Variants in TAF1 observed in about 807,000 individuals in gnomAD.
The protein encoded by TAF1 is transcription initiation factor TFIID subunit 1.
A neutral mutation model predicts 138.5 loss-of-function variants in TAF1; 2 were observed. That is an observed-to-expected ratio of 0.01 (90% CI 0.01 to 0.05). The LOEUF is 0.05. Among genes scored for constraint, TAF1 ranks in the 10% least tolerant of loss-of-function variants. The probability of loss-of-function intolerance (pLI) is 1.00; values close to 1 mark genes in which losing one functional copy is unlikely to be tolerated. For missense variants in TAF1, 709 were observed against 1,478.0 expected (o/e 0.48, Z 8.53); for synonymous variants, 437 against 503.2 (o/e 0.87, Z 1.76).
At chrX:71,517,625 A>G (rs939256292) in intron 13 of TAF1, among the ~76,000 whole-genome samples, 6 of 112,272 alleles carry the variant, frequency 5.3e-5, no homozygotes, top group Non-Finnish European at 1.1e-4. Context: ...TGCCACAACT[A>G]CATGAGTCTG....
chrX:71,410,558 T>G (rs1196938466), intron 28 of TAF1, among the ~76,000 whole-genome samples: 1 of 103,309 alleles, frequency 9.7e-6, no homozygotes, highest in African/African-American at 3.6e-5. Flanking sequence ...CTCAGGTTCA[T>G]GCTATTCTGC....
At chrX:71,523,112 G>A (rs2039933592) in intron 13 of TAF1, among the ~76,000 whole-genome samples, 1 of 102,625 alleles carries the variant, frequency 9.7e-6, no homozygotes, top group African/African-American at 3.6e-5. Flanking sequence ...AGCCCGGGAG[G>A]CAGAGGTTCC....
chrX:71,459,511 G>A, intron 35 of TAF1, 41 bp from the exon 36 acceptor site: 1 of 1,203,698 alleles, frequency 8.3e-7, no homozygotes, highest in Non-Finnish European at 1.1e-6. Context: ...CTCTTATGTG[G>A]TCAGTTGATA....
chrX:71,398,361 CT>C (rs960570395), intron 23 of TAF1, among the ~76,000 whole-genome samples: 14 of 110,373 alleles, frequency 1.3e-4, no homozygotes, highest in Non-Finnish European at 2.3e-4. Context: ...AAAAAAAAAC[CT>C]TAGAGATTAC....
intron 28 of TAF1, among the ~76,000 whole-genome samples, chrX:71,419,205 A>G (rs1429827969): frequency 9.0e-6 from 1 of 111,375 alleles, no homozygotes; most frequent in South Asian, 3.8e-4. Flanking sequence ...CCATCGGTCT[A>G]TTTAGGCATT....
chrX:71,460,188 C>T (rs1275631318), intron 36 of TAF1, among the ~76,000 whole-genome samples: 1 of 112,023 alleles, frequency 8.9e-6, no homozygotes, highest in African/African-American at 3.2e-5. Context: ...CTGTAGTGAG[C>T]CATGATCATA....
intron 18 of TAF1, 138 bp from the exon 19 acceptor site, chrX:71,392,431 A>G (rs988340616): frequency 3.7e-6 from 3 of 801,773 alleles, no homozygotes; most frequent in African/African-American, 4.2e-5. Context: ...ACAGTTTAAG[A>G]GAGCATGAAC....
intron 32 of TAF1, among the ~76,000 whole-genome samples, chrX:71,429,921 T>A (rs1238837033): frequency 9.0e-6 from 1 of 111,454 alleles, no homozygotes; most frequent in Non-Finnish European, 1.9e-5. Context: ...ACAAACGTTT[T>A]AGAGGACTAT....
intron 13 of TAF1, among the ~76,000 whole-genome samples, chrX:71,487,597 A>G (rs2039197403): frequency 8.9e-6 from 1 of 111,784 alleles, no homozygotes; most frequent in South Asian, 3.7e-4. Context: ...TGCTGGAATT[A>G]CAGGCGTGAG....
chrX:71,400,993 G>A (rs932078028), intron 24 of TAF1, among the ~76,000 whole-genome samples: 2 of 112,127 alleles, frequency 1.8e-5, no homozygotes, highest in African/African-American at 6.5e-5. Flanking sequence ...CACCCAGCAG[G>A]CTGATGATGC....
chrX:71,445,356 G>GT (rs200703578), intron 32 of TAF1, among the ~76,000 whole-genome samples: 3,652 of 106,155 alleles, frequency 0.034, 171 homozygotes, highest in African/African-American at 0.12. Flanking sequence ...TTTCTCTTAT[G>GT]TTTTTTCCTA....
chrX:71,428,883 A>T (rs1425558308), intron 32 of TAF1, among the ~76,000 whole-genome samples: 1 of 112,198 alleles, frequency 8.9e-6, no homozygotes, highest in Non-Finnish European at 1.9e-5. Context: ...GGCTGGAAGG[A>T]AACACACCAG....
Position 71,445,112 on chromosome X carries a change from A to G in TAF1, c.4754-9058A>G, listed in dbSNP as rs751337762. Among the ~76,000 whole-genome samples the G allele has an allele frequency of 2.1e-3, 232 of 108,969 alleles. 2 individuals carry two copies. The highest frequency in any genetic ancestry group is 7.4e-3 in the African/African-American group (222 of 29,998). The allele number at this position is 108,969 out of a possible 115,157, so 94.6% of individuals were successfully genotyped here. A position where few individuals can be genotyped will look rare whatever the true frequency, so the allele number is the denominator to read the frequency against. ...GGAGTTTGAGACCAGCCTGGTCAACATGGTGAAACCCGTCTCTACTAAAAA... is the reference window on the plus strand; with the variant it reads ...GGAGTTTGAGACCAGCCTGGTCAACGTGGTGAAACCCGTCTCTACTAAAAA... On this transcript the variant is annotated intron_variant, in intron 32 of 37. Coordinates refer to ENST00000423759, the MANE Select transcript of TAF1 (RefSeq NM_004606.5).
At chrX:71,481,415 A>G in intron 13 of TAF1, among the ~76,000 whole-genome samples, 1 of 112,779 alleles carries the variant, frequency 8.9e-6, no homozygotes, top group Non-Finnish European at 1.9e-5. Context: ...GCTTAAGAAT[A>G]TATTTCATAA....
chrX:71,500,686 AC>A (rs2039487442), intron 13 of TAF1, among the ~76,000 whole-genome samples: 1 of 110,684 alleles, frequency 9.0e-6, no homozygotes, highest in Admixed American at 9.7e-5. Context: ...AGTGGACCTT[AC>A]CGACGCATTC....
chrX:71,388,913 GT>G (rs765645687), intron 17 of TAF1, 45 bp downstream of exon 17: 2,007 of 940,973 alleles, frequency 2.1e-3, no homozygotes, highest in Admixed American at 3.7e-3. Context: ...GTGGTTTTTT[GT>G]TTTTTTTTTT....
At chrX:71,479,170 T>C (rs2039031081) in intron 13 of TAF1, among the ~76,000 whole-genome samples, 1 of 112,587 alleles carries the variant, frequency 8.9e-6, no homozygotes, top group South Asian at 3.6e-4. Flanking sequence ...AATATCAACA[T>C]AGATGAGTCC....
At chrX:71,493,875 T>C (rs2039344744) in intron 13 of TAF1, among the ~76,000 whole-genome samples, 1 of 111,808 alleles carries the variant, frequency 8.9e-6, no homozygotes, top group African/African-American at 3.2e-5. Flanking sequence ...TTCTCCCCTG[T>C]AGTCCCAGCT....
rs1419248241 is a variant in TAF1, at chrX:71,397,285, A to G, written c.3439A>G (p.Arg1147Gly). The G allele has an allele frequency of 8.3e-7, 1 of 1,211,467 alleles. No individual in the cohort carries two copies. The highest frequency in any genetic ancestry group is 1.1e-6 in the Non-Finnish European group (1 of 895,492). The change falls in exon 23 of 38, where the codon AGA becomes GGA. Residue 1147 changes from arginine (R) to glycine (G), a missense_variant. Transcript: ENST00000423759. The stretch of plus-strand genomic sequence containing the variant: ...CTCAGCAGCATCCGGAAACAATCAC[A>G]GAGATGATGACACAGCTTCCGTGAC... ...AGSAASGNNH[R>G]DDDTASVTSL...
Sources: gnomAD v4.1 joint callset for allele counts (sites outside exome capture counted in the v4.1 genomes callset) on GRCh38, gnomAD v4.1.1 for gene constraint, MANE v1.5 for transcripts, NCBI Gene and HGNC (gene_info 2026-07-23, HGNC 2026-07-21) for gene names.